Variants in FNDC3B observed in about 807,000 individuals in gnomAD.
The protein encoded by FNDC3B is fibronectin type III domain-containing protein 3B.
FNDC3B carries 12 observed loss-of-function variants against 151.5 expected under a neutral mutation model. That is an observed-to-expected ratio of 0.08 (90% CI 0.05 to 0.13). The LOEUF is 0.13. Ranked by LOEUF, FNDC3B falls within the 10% of genes least tolerant of loss-of-function variation. FNDC3B has a pLI of 1.00. For synonymous variants in FNDC3B, 528 were observed against 549.0 expected, an observed-to-expected ratio of 0.96 and a Z score of 0.54; for missense variants, 1,214 against 1,505.3, an observed-to-expected ratio of 0.81 and a Z score of 3.20.
intron 6 of FNDC3B, among the ~76,000 whole-genome samples, chr3:172,252,318 GAGTTTAT>G (rs1728123723): frequency 1.3e-5 from 2 of 152,052 alleles, no homozygotes; most frequent in African/African-American, 2.4e-5. Flanking sequence ...TAAGGTAGGT[GAGTTTAT>G]AGATATAAAT....
chr3:172,083,916 A>C (rs1934590532), intron 1 of FNDC3B, among the ~76,000 whole-genome samples: 1 of 152,182 alleles, frequency 6.6e-6, no homozygotes, highest in Admixed American at 6.5e-5. Context: ...TCTTAACTGC[A>C]TTGTGACCTT....
At chr3:172,043,269 G>T (rs1311284901) in intron 1 of FNDC3B, among the ~76,000 whole-genome samples, 11 of 152,192 alleles carry the variant, frequency 7.2e-5, no homozygotes, top group Non-Finnish European at 8.8e-5. Context: ...CTTGTGGCTA[G>T]TGGTTACCAT....
intron 1 of FNDC3B, among the ~76,000 whole-genome samples, chr3:172,046,563 T>TC (rs1716380840): frequency 1.3e-5 from 2 of 151,844 alleles, no homozygotes; most frequent in Non-Finnish European, 2.9e-5. Flanking sequence ...CTTGAAGCAA[T>TC]CCCCCCGCTT....
At chr3:172,269,743 C>T (rs1488243645) in intron 6 of FNDC3B, among the ~76,000 whole-genome samples, 1 of 152,174 alleles carries the variant, frequency 6.6e-6, no homozygotes, top group Non-Finnish European at 1.5e-5. Context: ...CTCTCGGGTT[C>T]AAGCGGTTAT....
chr3:172,394,954 G>T (rs1162699803), intron 25 of FNDC3B, among the ~76,000 whole-genome samples: 1 of 152,072 alleles, frequency 6.6e-6, no homozygotes, highest in Non-Finnish European at 1.5e-5. Flanking sequence ...ATCGACAAAT[G>T]TGATACATCA....
chr3:172,049,543 T>C (rs1716536660), intron 1 of FNDC3B, among the ~76,000 whole-genome samples: 1 of 152,160 alleles, frequency 6.6e-6, no homozygotes, highest in Non-Finnish European at 1.5e-5. Flanking sequence ...TTTCTTTTTT[T>C]TGAGATAGAA....
chr3:172,230,150 T>C (rs985575572), intron 4 of FNDC3B, among the ~76,000 whole-genome samples: 1 of 151,936 alleles, frequency 6.6e-6, no homozygotes, highest in African/African-American at 2.4e-5. Context: ...ATAGATAAAT[T>C]TGACTTTAAA....
At chr3:172,121,061 T>A (rs921759988) in intron 2 of FNDC3B, among the ~76,000 whole-genome samples, 1 of 152,202 alleles carries the variant, frequency 6.6e-6, no homozygotes, top group African/African-American at 2.4e-5. Context: ...AGCCATTTGC[T>A]GTTGATGCGG....
chr3:172,331,551 G>T (rs886972708), intron 13 of FNDC3B, among the ~76,000 whole-genome samples: 4 of 151,940 alleles, frequency 2.6e-5, no homozygotes, highest in African/African-American at 9.7e-5. Flanking sequence ...TAGTAGAGAT[G>T]GGGTTTCACC....
At chr3:172,241,830 C>T (rs1360128445) in intron 4 of FNDC3B, among the ~76,000 whole-genome samples, 1 of 152,218 alleles carries the variant, frequency 6.6e-6, no homozygotes, top group Non-Finnish European at 1.5e-5. Context: ...TACAGTCCCT[C>T]AAAATCTTAA....
At position 172,247,600 on chromosome 3, in the gene FNDC3B, C is replaced by T. The variant is rs748529566; in HGVS notation, c.332C>T (p.Pro111Leu). 1 of 1,614,060 alleles carries T rather than the reference C, an allele frequency of 6.2e-7. No homozygotes were observed. Among genetic ancestry groups the T allele is most frequent in the Non-Finnish European group, 8.5e-7 (1 of 1,179,914 alleles). Reference protein sequence around the residue: ...VTPQSPECYPPSYPSAMSPTH... With the variant: ...VTPQSPECYPLSYPSAMSPTH... ...CCCCAGTCTCCTGAGTGTTATCCCC[C>T]AAGCTACCCCTCAGCCATGTCTCCA... The change falls in exon 5 of 26, where the codon CCA becomes CTA. Residue 111 changes from proline to leucine, a missense_variant. Physicochemically the swap from Pro to Leu is moderately conservative, Grantham distance 98 (BLOSUM62 -3). Around this residue, in one of 7 missense-constraint regions of FNDC3B, gnomAD observed 113 missense variants for 177.8 expected, o/e 0.64. Coordinates refer to ENST00000415807, the MANE Select transcript of FNDC3B (RefSeq NM_022763.4).
At chr3:172,158,033 A>G (rs1722583266) in intron 3 of FNDC3B, among the ~76,000 whole-genome samples, 1 of 152,160 alleles carries the variant, frequency 6.6e-6, no homozygotes, top group Admixed American at 6.5e-5. Context: ...GTGTGGACAC[A>G]TGGAGGGGTG....
chr3:172,223,596 G>A (rs964434909), intron 3 of FNDC3B, among the ~76,000 whole-genome samples: 1 of 152,132 alleles, frequency 6.6e-6, no homozygotes, highest in African/African-American at 2.4e-5. Context: ...TATACGTTTT[G>A]GTGATTAAAA....
At chr3:172,209,114 G>T (rs555669241) in intron 3 of FNDC3B, among the ~76,000 whole-genome samples, 1 of 151,390 alleles carries the variant, frequency 6.6e-6, no homozygotes, top group East Asian at 2.0e-4. Context: ...CCTACAGTGC[G>T]CAGTGAGCGG....
At chr3:172,195,355 TG>T (rs1440901845) in intron 3 of FNDC3B, among the ~76,000 whole-genome samples, 2 of 152,226 alleles carry the variant, frequency 1.3e-5, no homozygotes, top group African/African-American at 4.8e-5. Context: ...TGCTATGAAA[TG>T]ATTGAACATT....
At position 172,201,362 on chromosome 3, in the gene FNDC3B, A is replaced by T. The variant is rs148336338; in HGVS notation, c.188-25509A>T. Among the ~76,000 whole-genome samples the T allele has an allele frequency of 4.1e-3, 622 of 152,162 alleles. 3 individuals carry two copies. Among genetic ancestry groups the T allele is most frequent in the African/African-American group, 0.014 (589 of 41,504 alleles). On this transcript the variant is annotated intron_variant, in intron 3 of 25. Coordinates refer to ENST00000415807, the MANE Select transcript of FNDC3B (RefSeq NM_022763.4). ...TTTTTTTTCCTCTTTTCTTTCTCCC[A>T]TAACAACAAACAAACAATAACACTA... is the stretch of plus-strand genomic sequence containing the variant.
intron 1 of FNDC3B, among the ~76,000 whole-genome samples, chr3:172,068,856 A>ATTTAGGTGCTTTATT (rs1346383748): frequency 2.0e-5 from 3 of 152,148 alleles, no homozygotes; most frequent in South Asian, 2.1e-4. Context: ...TTTAATCCTC[A>ATTTAGGTGCTTTATT]CAGTGTCCTG....
intron 1 of FNDC3B, among the ~76,000 whole-genome samples, chr3:172,082,147 A>G (rs1321105032): frequency 6.6e-6 from 1 of 152,196 alleles, no homozygotes; most frequent in Non-Finnish European, 1.5e-5. Context: ...GGAAATAAGG[A>G]TATAGTTTTG....
chr3:172,315,436 C>T (rs544952610), intron 11 of FNDC3B, among the ~76,000 whole-genome samples: 7 of 152,222 alleles, frequency 4.6e-5, no homozygotes, highest in Admixed American at 1.3e-4. Context: ...CCTTCAGTTT[C>T]GATTTTCACC....
Sources: allele counts gnomAD v4.1 joint callset (sites outside exome capture counted in the v4.1 genomes callset), GRCh38; gene constraint gnomAD v4.1.1; regional missense constraint gnomAD v4.1.1; transcripts MANE v1.5; gene names NCBI Gene and HGNC (gene_info 2026-07-23, HGNC 2026-07-21).